RBFOX1: variants seen among roughly 807,000 people sequenced by gnomAD.
The protein encoded by RBFOX1 is RNA binding protein fox-1 homolog 1.
In RBFOX1, 8 loss-of-function variants were observed where a neutral mutation model predicts 57.7. The ratio of observed to expected loss-of-function variants is 0.14; its 90% CI spans 0.08 to 0.25. The LOEUF is 0.25. Among genes scored for constraint, RBFOX1 ranks in the 10% least tolerant of loss-of-function variants. The pLI, the probability that RBFOX1 is intolerant of heterozygous loss-of-function variation, is 1.00. For missense variants in RBFOX1, 611 were observed against 548.5 expected (o/e 1.11, Z -1.14); for synonymous variants, 326 against 222.4 (o/e 1.47, Z -4.15).
At chr16:6,418,836 C>T (rs57623948) in intron 2 of RBFOX1, among the ~76,000 whole-genome samples, 1 of 152,200 alleles carries the variant, frequency 6.6e-6, no homozygotes, top group Non-Finnish European at 1.5e-5. Flanking sequence ...GCCCTTCATG[C>T]AAGTTTGATA....
At chr16:6,972,277 C>T (rs1026204758) in intron 3 of RBFOX1, among the ~76,000 whole-genome samples, 1 of 152,080 alleles carries the variant, frequency 6.6e-6, no homozygotes, top group Non-Finnish European at 1.5e-5. Context: ...CCCCTGGTAA[C>T]TGTCATTCTA....
chr16:5,667,078 G>C (rs1057373937), intron 3 of RBFOX1, among the ~76,000 whole-genome samples: 5 of 152,260 alleles, frequency 3.3e-5, no homozygotes, highest in African/African-American at 9.6e-5. Context: ...TTCAGGATAG[G>C]TCATTCCCTA....
At chr16:7,646,254 C>G (rs754318838) in intron 11 of RBFOX1, among the ~76,000 whole-genome samples, 5 of 152,194 alleles carry the variant, frequency 3.3e-5, no homozygotes, top group African/African-American at 4.8e-5. Context: ...AATTGCTGCT[C>G]TATGAGCTAT....
intron 4 of RBFOX1, among the ~76,000 whole-genome samples, chr16:7,504,728 TATATATATATATATATATATATATA>T (rs749550745): frequency 0.62 from 41,997 of 67,578 alleles, 11,436 homozygotes; most frequent in Middle Eastern, 0.71. Context: ...TATATATATA[TATATATATATATATATATATATATA>T]TTTATATATA....
At chr16:5,903,858 G>T (rs956427436) in intron 4 of RBFOX1, among the ~76,000 whole-genome samples, 1 of 152,140 alleles carries the variant, frequency 6.6e-6, no homozygotes, top group Non-Finnish European at 1.5e-5. Flanking sequence ...AGCAGATGCG[G>T]GGGCCTTGGT....
chr16:6,814,224 G>C (rs1012558644), intron 3 of RBFOX1, among the ~76,000 whole-genome samples: 1 of 141,480 alleles, frequency 7.1e-6, no homozygotes, highest in African/African-American at 2.6e-5. Flanking sequence ...CTTCTTTCAT[G>C]TAATAACACA....
intron 3 of RBFOX1, among the ~76,000 whole-genome samples, chr16:5,649,902 A>C (rs1488547663): frequency 6.6e-6 from 1 of 152,134 alleles, no homozygotes; most frequent in Non-Finnish European, 1.5e-5. Flanking sequence ...GAGGGATGTG[A>C]AGCACTTCAT....
At chr16:6,040,897 T>C (rs2095429594) in intron 1 of RBFOX1, among the ~76,000 whole-genome samples, 1 of 152,142 alleles carries the variant, frequency 6.6e-6, no homozygotes, top group Non-Finnish European at 1.5e-5. Context: ...CCCCACCCCT[T>C]TTTAAGGCTG....
At chr16:7,596,094 G>T (rs1158770266) in intron 8 of RBFOX1, among the ~76,000 whole-genome samples, 1 of 137,702 alleles carries the variant, frequency 7.3e-6, no homozygotes, top group Non-Finnish European at 1.5e-5. Context: ...TTTTTTGTTT[G>T]TTTTTTTTTG....
chr16:7,271,433 A>C (rs985235131), intron 4 of RBFOX1, among the ~76,000 whole-genome samples: 5 of 151,850 alleles, frequency 3.3e-5, no homozygotes, highest in Non-Finnish European at 7.4e-5. Context: ...AGTTTCAATG[A>C]TGCCTTGGTG....
intron 3 of RBFOX1, among the ~76,000 whole-genome samples, chr16:6,934,740 T>C (rs1300847337): frequency 6.6e-6 from 1 of 152,098 alleles, no homozygotes; most frequent in South Asian, 2.1e-4. Flanking sequence ...GGCCCTTTGC[T>C]TAGTTTGGAG....
chr16:7,697,260 T>G (rs995829700), intron 14 of RBFOX1, among the ~76,000 whole-genome samples: 1 of 152,076 alleles, frequency 6.6e-6, no homozygotes, highest in South Asian at 2.1e-4. Flanking sequence ...TGTATTTTGA[T>G]GGGAGAACAA....
At chr16:6,142,622 A>G (rs1429825744) in intron 1 of RBFOX1, among the ~76,000 whole-genome samples, 2 of 152,194 alleles carry the variant, frequency 1.3e-5, no homozygotes. Context: ...CAGCACATAG[A>G]TGAATGCCAG....
intron 4 of RBFOX1, among the ~76,000 whole-genome samples, chr16:7,201,445 T>C (rs2088428562): frequency 1.4e-5 from 2 of 145,648 alleles, no homozygotes; most frequent in South Asian, 2.2e-4. Flanking sequence ...AATGCCACGA[T>C]CTGATTCTTT....
At chr16:6,271,712 A>T (rs1387770660) in intron 1 of RBFOX1, among the ~76,000 whole-genome samples, 1 of 152,206 alleles carries the variant, frequency 6.6e-6, no homozygotes, top group Non-Finnish European at 1.5e-5. Context: ...GAAATGGACC[A>T]CTTCCTTGTA....
At chr16:6,324,639 A>T (rs1355465230) in intron 2 of RBFOX1, among the ~76,000 whole-genome samples, 1 of 152,204 alleles carries the variant, frequency 6.6e-6, no homozygotes, top group Non-Finnish European at 1.5e-5. Flanking sequence ...TTCATGAGAA[A>T]CTGCCCCCAT....
chr16:5,657,156 G>C (rs1227912997), intron 3 of RBFOX1, among the ~76,000 whole-genome samples: 2 of 152,054 alleles, frequency 1.3e-5, no homozygotes, highest in Non-Finnish European at 2.9e-5. Flanking sequence ...CTCTTGATTG[G>C]GGACCTATTT....
At chr16:7,300,620 T>TG (rs1201185300) in intron 4 of RBFOX1, among the ~76,000 whole-genome samples, 1 of 151,790 alleles carries the variant, frequency 6.6e-6, no homozygotes, top group African/African-American at 2.4e-5. Context: ...GAAAGTATTT[T>TG]TTTTAGTGGA....
chr16:5,373,979 G>A (rs2151377795), intron 1 of RBFOX1, among the ~76,000 whole-genome samples: 1 of 152,338 alleles, frequency 6.6e-6, no homozygotes, highest in Non-Finnish European at 1.5e-5. Context: ...GTGCAATGGT[G>A]CGATCTCGGC....
Sources: gnomAD v4.1 joint callset for allele counts (sites outside exome capture counted in the v4.1 genomes callset) on GRCh38, gnomAD v4.1.1 for gene constraint, MANE v1.5 for transcripts, NCBI Gene and HGNC (gene_info 2026-07-23, HGNC 2026-07-21) for gene names.